LCLAT1: variants seen among roughly 807,000 people sequenced by gnomAD.
LCLAT1 encodes the protein lysocardiolipin acyltransferase 1.
Under a neutral mutation model 30.7 loss-of-function variants are expected in LCLAT1, and 11 were observed. The observed-to-expected ratio is 0.36, with a 90% CI of 0.23 to 0.59. LCLAT1 has a LOEUF of 0.59. Ranked by LOEUF, LCLAT1 falls within the 20% of genes least tolerant of loss-of-function variation. The pLI is 0.77. For synonymous variants in LCLAT1, 155 were observed against 151.3 expected (o/e 1.02, Z -0.18); for missense variants, 402 against 458.6 (o/e 0.88, Z 1.13).
intron 1 of LCLAT1, among the ~76,000 whole-genome samples, chr2:30,500,360 G>A (rs1444918462): frequency 1.3e-5 from 2 of 152,132 alleles, no homozygotes; most frequent in Admixed American, 6.5e-5. Flanking sequence ...GTAGAATAGT[G>A]ACTATATATG....
Position 30,525,734 on chromosome 2 carries a change from A to T in LCLAT1, c.144A>T (p.Ala48=). The change falls in exon 2 of 6, where the codon GCA becomes GCT. Residue 48 remains alanine (A), a synonymous_variant. Transcript: ENST00000379509. ...WYRWINNRLV[A]TWLTLPVALL... The stretch of plus-strand genomic sequence containing the variant: ...GCTGGATCAACAACCGCCTTGTGGC[A>T]ACATGGCTCACCCTACCTGTGGTAA... 6.2e-7 allele frequency: 1 copy of T among 1,614,152 alleles called. No individual in the cohort carries two copies. The highest frequency in any genetic ancestry group is 8.5e-7 in the Non-Finnish European group (1 of 1,180,024).
intron 2 of LCLAT1, among the ~76,000 whole-genome samples, chr2:30,527,260 A>G (rs1227697941): frequency 1.3e-5 from 2 of 151,984 alleles, no homozygotes; most frequent in African/African-American, 4.9e-5. Context: ...TCTGTAAAAT[A>G]AAGAAATTGG....
chr2:30,556,719 C>T (rs1245144125), intron 3 of LCLAT1, among the ~76,000 whole-genome samples: 4 of 149,450 alleles, frequency 2.7e-5, no homozygotes, highest in African/African-American at 4.9e-5. Context: ...AAGATAAGAA[C>T]AGAAATAGAG....
At position 30,464,081 on chromosome 2, in the gene LCLAT1, T is replaced by C. The variant is rs77803035; in HGVS notation, c.-5+16698T>C. Among the ~76,000 whole-genome samples the C allele has an allele frequency of 8.3e-4, 127 of 152,336 alleles. 1 individual carries two copies. The highest frequency in any genetic ancestry group is 2.8e-3 in the African/African-American group (117 of 41,578). On this transcript the variant is annotated intron_variant, in intron 1 of 5. Transcript: ENST00000379509. ...CTCTATCAGTTGATTCTCTTAGCAA[T>C]TGTATGTTTGAGGCCTTATTTTCCT...
chr2:30,511,105 A>G (rs1046465282), intron 1 of LCLAT1, among the ~76,000 whole-genome samples: 1 of 152,132 alleles, frequency 6.6e-6, no homozygotes, highest in Admixed American at 6.5e-5. Context: ...TCTGTTCCTA[A>G]TAAAAAATGG....
At chr2:30,583,055 A>G (rs951326773) in intron 5 of LCLAT1, among the ~76,000 whole-genome samples, 1 of 152,236 alleles carries the variant, frequency 6.6e-6, no homozygotes, top group Non-Finnish European at 1.5e-5. Context: ...TTTATACTCT[A>G]ATTAGCTCTT....
At chr2:30,459,428 A>C in intron 1 of LCLAT1, 1 of 611,926 alleles carries the variant, frequency 1.6e-6, no homozygotes, top group Non-Finnish European at 2.9e-6. Context: ...TAATCCATTC[A>C]GTACTCAGAT....
At position 30,510,032 on chromosome 2, in the gene LCLAT1, T is replaced by G. The variant is rs936341826; in HGVS notation, c.-4-15555T>G. ...CTATTCTTGACTCAAACAGATGGTT[T>G]GTTTAGTAGCAAGGATTTTGGTGAT... is the stretch of plus-strand genomic sequence containing the variant. On this transcript the variant is annotated intron_variant, in intron 1 of 5. Coordinates refer to ENST00000379509, the MANE Select transcript of LCLAT1 (RefSeq NM_001002257.3). Among the ~76,000 whole-genome samples the G allele has an allele frequency of 5.3e-5, 8 of 152,202 alleles. No individual in the cohort carries two copies. The East Asian group carries it at 1.5e-3, about 29-fold the overall frequency.
chr2:30,631,927 C>T (rs1287530706), intron 5 of LCLAT1, among the ~76,000 whole-genome samples: 1 of 152,108 alleles, frequency 6.6e-6, no homozygotes, highest in Non-Finnish European at 1.5e-5. Flanking sequence ...TTTCAGTGAT[C>T]TATTAATGTG....
chr2:30,631,220 T>C (rs1297826183), intron 5 of LCLAT1, among the ~76,000 whole-genome samples: 1 of 152,194 alleles, frequency 6.6e-6, no homozygotes, highest in Admixed American at 6.5e-5. Flanking sequence ...TATGTGGTTT[T>C]CTTGTGGCTT....
At position 30,471,132 on chromosome 2, in the gene LCLAT1, T is replaced by A. The variant is rs192810559; in HGVS notation, c.-5+23749T>A. Reference sequence around the variant, plus strand: ...TTTCACCATTTTGGCCATGCTGATCTTGAACTCCTGACCTCGTGATCCACC... The same window carrying A: ...TTTCACCATTTTGGCCATGCTGATCATGAACTCCTGACCTCGTGATCCACC... On this transcript the variant is annotated intron_variant, in intron 1 of 5. Transcript: ENST00000379509. 2.4e-4 allele frequency among the ~76,000 whole-genome samples: 37 copies of A among 152,232 alleles called. No homozygotes were observed. The East Asian group carries it at 7.2e-3, about 29-fold the overall frequency.
intron 1 of LCLAT1, among the ~76,000 whole-genome samples, chr2:30,466,623 T>G (rs1366082827): frequency 6.6e-6 from 1 of 152,220 alleles, no homozygotes. Context: ...TTCTAAATAT[T>G]CTGTTGCACT....
chr2:30,619,793 T>A lies in LCLAT1; in HGVS notation c.629-20324T>A, dbSNP rs576465707. On this transcript the variant is annotated intron_variant, in intron 5 of 5. Coordinates refer to ENST00000379509, the MANE Select transcript of LCLAT1 (RefSeq NM_001002257.3). The stretch of plus-strand genomic sequence containing the variant: ...TTATCTTTGCCTTCTTCCCTTTAAG[T>A]TTTTCCCCCCAATCCTTAGTCATTT... Among the ~76,000 whole-genome samples the A allele has an allele frequency of 8.5e-5, 13 of 152,242 alleles. 1 individual carries two copies. The South Asian group carries it at 2.5e-3, about 29-fold the overall frequency.
chr2:30,632,829 C>T (rs940147780), intron 5 of LCLAT1, among the ~76,000 whole-genome samples: 3 of 152,202 alleles, frequency 2.0e-5, no homozygotes, highest in Non-Finnish European at 4.4e-5. Flanking sequence ...TGAGAGCTGC[C>T]TGACTGCACC....
intron 5 of LCLAT1, among the ~76,000 whole-genome samples, chr2:30,590,492 C>T (rs1666641118): frequency 6.7e-6 from 1 of 148,666 alleles, no homozygotes; most frequent in Admixed American, 6.8e-5. Flanking sequence ...ATTTATTACC[C>T]ATTCTTATGT....
intron 5 of LCLAT1, among the ~76,000 whole-genome samples, chr2:30,574,933 G>A (rs1321607472): frequency 6.6e-6 from 1 of 152,192 alleles, no homozygotes; most frequent in African/African-American, 2.4e-5. Context: ...AGGAGTATGT[G>A]TTTTTCGTAT....
At chr2:30,549,442 C>T (rs569176638) in intron 3 of LCLAT1, among the ~76,000 whole-genome samples, 1 of 152,138 alleles carries the variant, frequency 6.6e-6, no homozygotes, top group Non-Finnish European at 1.5e-5. Flanking sequence ...CTAAAATTAT[C>T]TAAAAGATAT....
At chr2:30,516,752 T>C (rs1685205145) in intron 1 of LCLAT1, among the ~76,000 whole-genome samples, 1 of 152,208 alleles carries the variant, frequency 6.6e-6, no homozygotes, top group South Asian at 2.1e-4. Flanking sequence ...TGAGTAATAC[T>C]GGACCACTTT....
chr2:30,470,892 T>TCCATTTTATTTATTTATTC (rs1682746780), intron 1 of LCLAT1, among the ~76,000 whole-genome samples: 1 of 151,770 alleles, frequency 6.6e-6, no homozygotes, highest in Non-Finnish European at 1.5e-5. Flanking sequence ...TTTATTTATT[T>TCCATTTTATTTATTTATTC]TCATTTTATT....
Sources: allele counts gnomAD v4.1 joint callset (sites outside exome capture counted in the v4.1 genomes callset), GRCh38; gene constraint gnomAD v4.1.1; transcripts MANE v1.5; gene names NCBI Gene and HGNC (gene_info 2026-07-23, HGNC 2026-07-21).